The following SIPA1L3 variants were observed in gnomAD, a reference collection of about 807,000 sequenced individuals.
SIPA1L3 encodes the protein signal induced proliferation associated 1 like 3, also known as signal-induced proliferation-associated 1-like protein 3.
A neutral mutation model predicts 150.1 loss-of-function variants in SIPA1L3; 59 were observed. The ratio of observed to expected loss-of-function variants is 0.39; its 90% CI spans 0.32 to 0.49. The LOEUF is 0.49. Ranked by LOEUF, SIPA1L3 falls within the 20% of genes least tolerant of loss-of-function variation. The probability of loss-of-function intolerance (pLI) is 0.86; values close to 1 mark genes in which losing one functional copy is unlikely to be tolerated. For missense variants in SIPA1L3, 2,211 were observed against 2,489.5 expected (o/e 0.89, Z 2.38); for synonymous variants, 1,070 against 1,077.6 (o/e 0.99, Z 0.14).
At chr19:37,967,334 C>T (rs1156514591) in intron 1 of SIPA1L3, among the ~76,000 whole-genome samples, 1 of 150,882 alleles carries the variant, frequency 6.6e-6, no homozygotes, top group Non-Finnish European at 1.5e-5. Flanking sequence ...TTCACTGCAA[C>T]CTCCGCCTCC....
chr19:38,062,486 A>C (rs1969467624), intron 2 of SIPA1L3, among the ~76,000 whole-genome samples: 1 of 152,190 alleles, frequency 6.6e-6, no homozygotes, highest in Non-Finnish European at 1.5e-5. Context: ...CAGTGGAGCC[A>C]GGTTTGAGGC....
At chr19:37,999,198 A>G (rs940093019) in intron 1 of SIPA1L3, among the ~76,000 whole-genome samples, 2 of 152,154 alleles carry the variant, frequency 1.3e-5, no homozygotes, top group Non-Finnish European at 2.9e-5. Context: ...AGTGGATTTC[A>G]GGCCAAAGCA....
chr19:38,159,033 C>A (rs540497884), intron 13 of SIPA1L3, among the ~76,000 whole-genome samples: 2 of 152,238 alleles, frequency 1.3e-5, no homozygotes, highest in Non-Finnish European at 2.9e-5. Context: ...CCCAGAGTGA[C>A]TGCCCACCTC....
intron 15 of SIPA1L3, among the ~76,000 whole-genome samples, chr19:38,169,989 TGAG>T (rs1972291637): frequency 8.8e-6 from 1 of 113,436 alleles, no homozygotes; most frequent in African/African-American, 3.5e-5. Context: ...CAGGGTAAGA[TGAG>T]GGGCCCAGGT....
At chr19:37,977,325 C>T (rs896334799) in intron 1 of SIPA1L3, among the ~76,000 whole-genome samples, 37 of 151,448 alleles carry the variant, frequency 2.4e-4, no homozygotes, top group Admixed American at 1.6e-3. Context: ...CCACCATGCC[C>T]GGCTAATTTT....
At chr19:37,937,696 C>G (rs890211445) in intron 1 of SIPA1L3, among the ~76,000 whole-genome samples, 2 of 135,352 alleles carry the variant, frequency 1.5e-5, no homozygotes, top group Non-Finnish European at 3.1e-5. Flanking sequence ...GAGCCTGGTT[C>G]GTGCCACTGC....
At chr19:37,979,126 A>T (rs1328644866) in intron 1 of SIPA1L3, among the ~76,000 whole-genome samples, 1 of 152,150 alleles carries the variant, frequency 6.6e-6, no homozygotes. Flanking sequence ...AAGGGTGGCC[A>T]CCTGTAGCCT....
chr19:38,158,003 G>A (rs1971988234), intron 13 of SIPA1L3, among the ~76,000 whole-genome samples: 1 of 152,180 alleles, frequency 6.6e-6, no homozygotes, highest in Non-Finnish European at 1.5e-5. Context: ...CACTTTCGGA[G>A]GCCAAGGCAG....
At chr19:38,038,053 C>T (rs1485134827) in intron 2 of SIPA1L3, among the ~76,000 whole-genome samples, 2 of 152,114 alleles carry the variant, frequency 1.3e-5, no homozygotes, top group African/African-American at 2.4e-5. Flanking sequence ...CTGCCACTAG[C>T]GTGCCTTGGT....
intron 2 of SIPA1L3, among the ~76,000 whole-genome samples, chr19:38,074,566 G>A (rs1006470334): frequency 2.0e-4 from 31 of 152,234 alleles, no homozygotes; most frequent in Non-Finnish European, 4.1e-4. Context: ...CCAGCACAGC[G>A]GACTGTGGGG....
intron 12 of SIPA1L3, among the ~76,000 whole-genome samples, chr19:38,147,901 A>G (rs1006130167): frequency 5.3e-4 from 81 of 152,166 alleles, no homozygotes; most frequent in East Asian, 1.9e-4. Context: ...ACCCGGGACT[A>G]TGGTTCCAGA....
chr19:38,094,353 A>G (rs1037877922), intron 4 of SIPA1L3, among the ~76,000 whole-genome samples: 2 of 152,046 alleles, frequency 1.3e-5, no homozygotes, highest in Non-Finnish European at 2.9e-5. Context: ...GGCTCAAGCG[A>G]TCCTCCTGCC....
intron 13 of SIPA1L3, among the ~76,000 whole-genome samples, chr19:38,156,689 G>A (rs376756590): frequency 6.6e-6 from 1 of 152,012 alleles, no homozygotes; most frequent in African/African-American, 2.4e-5. Flanking sequence ...GCTGGGTGTG[G>A]TGGCATGCAC....
intron 10 of SIPA1L3, among the ~76,000 whole-genome samples, chr19:38,135,404 C>G (rs759754478): frequency 6.6e-6 from 1 of 152,192 alleles, no homozygotes; most frequent in Non-Finnish European, 1.5e-5. Context: ...GCCACACCTG[C>G]TTAGATCTCT....
At chr19:38,113,218 G>GAAA (rs35895258) in intron 8 of SIPA1L3, among the ~76,000 whole-genome samples, 2 of 135,116 alleles carry the variant, frequency 1.5e-5, no homozygotes, top group African/African-American at 2.6e-5. Flanking sequence ...CTCAATTAAA[G>GAAA]AAAAAAAAAA....
chr19:38,032,256 C>A (rs931736276), intron 2 of SIPA1L3, among the ~76,000 whole-genome samples: 8 of 152,158 alleles, frequency 5.3e-5, no homozygotes, highest in African/African-American at 1.9e-4. Context: ...TAGCACATTC[C>A]TTTTTCATGT....
chr19:38,076,435 C>T (rs1424831127), intron 2 of SIPA1L3, among the ~76,000 whole-genome samples: 3 of 152,118 alleles, frequency 2.0e-5, no homozygotes, highest in African/African-American at 7.2e-5. Flanking sequence ...GTTTCGCGAC[C>T]ACCTCCTGTT....
chr19:38,164,275 T>C lies in SIPA1L3; in HGVS notation c.3781-204T>C, dbSNP rs1340100627. On this transcript the variant is annotated intron_variant, in intron 14 of 21. Coordinates refer to ENST00000222345, the MANE Select transcript of SIPA1L3 (RefSeq NM_015073.3). This position sits in a 1 kb window ranked among gnomAD's most constrained non-coding sequence, Gnocchi z 4.1. Reference sequence around the variant, plus strand: ...GAGCAGCCCCATGAGGCAGGCTTACTATCACCCTCCATTTTACAGATGTGG... The same window carrying C: ...GAGCAGCCCCATGAGGCAGGCTTACCATCACCCTCCATTTTACAGATGTGG... Among the ~76,000 whole-genome samples, 1 of 152,158 alleles carries C rather than the reference T, an allele frequency of 6.6e-6. No homozygotes were observed. The highest frequency in any genetic ancestry group is 2.4e-5 in the African/African-American group (1 of 41,434).
chr19:38,027,561 G>A (rs1043049796), intron 1 of SIPA1L3, among the ~76,000 whole-genome samples: 1 of 152,120 alleles, frequency 6.6e-6, no homozygotes, highest in African/African-American at 2.4e-5. Flanking sequence ...GGGAAGTGGA[G>A]CAGGGAGGTG....
Sources: gnomAD v4.1 joint callset for allele counts (sites outside exome capture counted in the v4.1 genomes callset) on GRCh38, gnomAD v4.1.1 for gene constraint, Gnocchi (gnomAD v3.1) non-coding constraint, MANE v1.5 for transcripts, NCBI Gene and HGNC (gene_info 2026-07-23, HGNC 2026-07-21) for gene names.